Variants in OCA2 observed in about 807,000 individuals in gnomAD.
OCA2 encodes OCA2 melanosomal transmembrane protein, also known as P protein.
Under a neutral mutation model 100.2 loss-of-function variants are expected in OCA2, and 77 were observed. The ratio of observed to expected loss-of-function variants is 0.77; its 90% CI spans 0.64 to 0.93. The LOEUF (loss-of-function observed/expected upper bound fraction) is 0.93. OCA2 is among the 40% of genes least tolerant of loss of function. The pLI is 0.00. For synonymous variants in OCA2, 432 were observed against 439.2 expected, an observed-to-expected ratio of 0.98 and a Z score of 0.21; for missense variants, 1,062 against 1,089.1, an observed-to-expected ratio of 0.98 and a Z score of 0.35.
intron 18 of OCA2, among the ~76,000 whole-genome samples, chr15:27,932,882 T>C (rs1183148514): frequency 6.6e-6 from 1 of 151,458 alleles, no homozygotes; most frequent in Admixed American, 6.6e-5. Flanking sequence ...ATAATAATAA[T>C]AACCCCGGGG....
Position 28,018,476 on chromosome 15 carries a change from C to A in OCA2, c.728G>T (p.Arg243Leu), listed in dbSNP as rs766911058. The change falls in exon 7 of 24, where the codon CGT becomes CTT. Residue 243 changes from arginine to leucine, a missense_variant. Arg to Leu is a moderately radical substitution (Grantham distance 102). Transcript: ENST00000354638. ...CACGATGTGCTCTTCCCTCCCAGGACGACTCGGCCCACTGGCCACTAGGGC... is the reference window on the plus strand; with the variant it reads ...CACGATGTGCTCTTCCCTCCCAGGAAGACTCGGCCCACTGGCCACTAGGGC... Reference protein sequence around the residue: ...AGALVASGPSRPGREEHIVVE... With the variant: ...AGALVASGPSLPGREEHIVVE... The A allele has an allele frequency of 6.2e-7, 1 of 1,613,836 alleles. No individual in the cohort carries two copies. The highest frequency in any genetic ancestry group is 8.5e-7 in the Non-Finnish European group (1 of 1,179,954).
In OCA2 at chr15:27,757,476, C is replaced by T. The variant is rs144787453; in HGVS notation, c.2433-2004G>A. 1.9e-3 allele frequency among the ~76,000 whole-genome samples: 283 copies of T among 152,298 alleles called. 2 individuals carry two copies. Among genetic ancestry groups the T allele is most frequent in the African/African-American group, 6.6e-3 (276 of 41,550 alleles). ...ATATAGTAGGGAACTTGACAAAGGC[C>T]ACCACCAGTAAAAGGCAGAGATGGT... On this transcript the variant is annotated intron_variant, in intron 23 of 23. Transcript: ENST00000354638.
At chr15:27,732,906 C>T in the OCA2 span, among the ~76,000 whole-genome samples, 1 of 152,300 alleles carries the variant, frequency 6.6e-6, no homozygotes, top group Non-Finnish European at 1.5e-5. Context: ...ATTTGATTGC[C>T]ATTTATATTC....
intron 23 of OCA2, among the ~76,000 whole-genome samples, chr15:27,826,217 A>G (rs1434010467): frequency 2.0e-5 from 3 of 152,216 alleles, no homozygotes; most frequent in Admixed American, 6.5e-5. Flanking sequence ...GAAGGTGCAG[A>G]GTTGTGTATC....
chr15:28,046,046 T>C (rs1223448669), intron 2 of OCA2, among the ~76,000 whole-genome samples: 2 of 152,098 alleles, frequency 1.3e-5, no homozygotes, highest in African/African-American at 2.4e-5. Context: ...ACCCCTTCTA[T>C]TTCAGGGGAC....
At chr15:27,952,346 C>T (rs907620760) in intron 17 of OCA2, among the ~76,000 whole-genome samples, 3 of 152,286 alleles carry the variant, frequency 2.0e-5, no homozygotes, top group African/African-American at 7.2e-5. Context: ...GCACTCTTAG[C>T]GCTGGAATGA....
At chr15:27,836,942 T>C (rs183678853) in intron 23 of OCA2, among the ~76,000 whole-genome samples, 74 of 152,352 alleles carry the variant, frequency 4.9e-4, no homozygotes, top group African/African-American at 1.8e-3. Flanking sequence ...CAAAATGAGG[T>C]GACAAAAGCT....
At chr15:27,908,742 C>T (rs1041808750) in intron 19 of OCA2, among the ~76,000 whole-genome samples, 2 of 152,142 alleles carry the variant, frequency 1.3e-5, no homozygotes, top group African/African-American at 2.4e-5. Flanking sequence ...GATGTTCCTG[C>T]CCAGAGAAGC....
intron 23 of OCA2, among the ~76,000 whole-genome samples, chr15:27,844,680 T>C (rs2035468180): frequency 6.6e-6 from 1 of 152,120 alleles, no homozygotes; most frequent in African/African-American, 2.4e-5. Flanking sequence ...TTTTGTGTTT[T>C]CACCATGTTG....
intron 23 of OCA2, among the ~76,000 whole-genome samples, chr15:27,814,388 G>C (rs994323931): frequency 2.6e-4 from 40 of 152,178 alleles, no homozygotes; most frequent in African/African-American, 9.2e-4. Context: ...ATTGACAAAA[G>C]ACTGAGGAAG....
intron 23 of OCA2, among the ~76,000 whole-genome samples, chr15:27,756,708 C>G (rs539622044): frequency 6.6e-6 from 1 of 152,194 alleles, no homozygotes; most frequent in Non-Finnish European, 1.5e-5. Flanking sequence ...TCCTCTGTGA[C>G]AGATTGTGTA....
intron 2 of OCA2, among the ~76,000 whole-genome samples, chr15:28,072,651 A>T (rs2044302448): frequency 6.6e-6 from 1 of 152,024 alleles, no homozygotes; most frequent in Non-Finnish European, 1.5e-5. Flanking sequence ...GTGAACAGAT[A>T]CTTCTCAAAA....
intron 23 of OCA2, among the ~76,000 whole-genome samples, chr15:27,765,718 A>G (rs1228053336): frequency 6.6e-6 from 1 of 152,178 alleles, no homozygotes; most frequent in Non-Finnish European, 1.5e-5. Flanking sequence ...TTCCTTTCCC[A>G]GGTCATCTGC....
At chr15:28,015,965 A>G in intron 8 of OCA2, 139 bp downstream of exon 8, 2 of 732,688 alleles carry the variant, frequency 2.7e-6, no homozygotes, top group East Asian at 2.6e-5. Context: ...CTCACTGTCT[A>G]CACAGCATGA....
At chr15:28,097,950 C>T (rs1442459304) in intron 1 of OCA2, among the ~76,000 whole-genome samples, 1 of 152,188 alleles carries the variant, frequency 6.6e-6, no homozygotes, top group African/African-American at 2.4e-5. Flanking sequence ...TCCTTGCTGC[C>T]TGCCACTCCA....
At chr15:28,094,141 C>T (rs2044923423) in intron 1 of OCA2, among the ~76,000 whole-genome samples, 2 of 152,226 alleles carry the variant, frequency 1.3e-5, no homozygotes, top group African/African-American at 2.4e-5. Context: ...ACCCCAACAC[C>T]CTAGCACACA....
At chr15:28,048,570 A>C (rs548616235) in intron 2 of OCA2, among the ~76,000 whole-genome samples, 1 of 152,296 alleles carries the variant, frequency 6.6e-6, no homozygotes, top group South Asian at 2.1e-4. Flanking sequence ...TTAAGATAAA[A>C]CCATAAAATT....
At chr15:28,075,380 A>G (rs376481515) in intron 2 of OCA2, among the ~76,000 whole-genome samples, 27 of 152,350 alleles carry the variant, frequency 1.8e-4, no homozygotes, top group African/African-American at 6.3e-4. Flanking sequence ...AGGTGCCTCT[A>G]AATACTTATT....
Position 28,060,159 on chromosome 15 carries a change from G to A in OCA2, c.227+21489C>T, listed in dbSNP as rs72712692. On this transcript the variant is annotated intron_variant, in intron 2 of 23. Transcript: ENST00000354638. ...CCAGGCTCCTCAGGGTGCCGGCCCC[G>A]CACTGAGGCAGGTGGGAAGTGTAGG... 3.3e-4 allele frequency among the ~76,000 whole-genome samples: 50 copies of A among 152,182 alleles called. No homozygotes were observed. In the East Asian group the frequency reaches 3.9e-3, roughly 12 times the overall value.
Sources: allele counts gnomAD v4.1 joint callset (sites outside exome capture counted in the v4.1 genomes callset), GRCh38; gene constraint gnomAD v4.1.1; transcripts MANE v1.5; gene names NCBI Gene and HGNC (gene_info 2026-07-23, HGNC 2026-07-21).